The following NUDT3 variants were observed in gnomAD, a reference collection of about 807,000 sequenced individuals.
NUDT3 encodes diphosphoinositol polyphosphate phosphohydrolase 1.
NUDT3 carries 9 observed loss-of-function variants against 23.6 expected under a neutral mutation model. The observed-to-expected ratio is 0.38, with a 90% CI of 0.23 to 0.66. NUDT3 has a LOEUF of 0.66. Ranked by LOEUF, NUDT3 falls within the 30% of genes least tolerant of loss-of-function variation. The pLI is 0.52. For missense variants in NUDT3, 172 were observed against 218.5 expected, an observed-to-expected ratio of 0.79 and a Z score of 1.34; for synonymous variants, 86 against 82.6, an observed-to-expected ratio of 1.04 and a Z score of -0.22.
At chr6:34,361,956 C>A (rs141602363) in intron 1 of NUDT3, among the ~76,000 whole-genome samples, 161 of 152,258 alleles carry the variant, frequency 1.1e-3, no homozygotes, top group African/African-American at 3.7e-3. Flanking sequence ...AGGAAGTACA[C>A]CAGCAAGAGA....
rs527607594 is a variant in NUDT3 at position 34,345,751 on chromosome 6, G to T, written c.100-3779C>A. 1.4e-3 allele frequency among the ~76,000 whole-genome samples: 213 copies of T among 151,650 alleles called. No individual in the cohort carries two copies. The Middle Eastern group carries it at 0.024, about 17-fold the overall frequency. On this transcript the variant is annotated intron_variant, in intron 1 of 4. Coordinates refer to ENST00000607016, the MANE Select transcript of NUDT3 (RefSeq NM_006703.4). ...CCTCAATGGAGTAACCTTCCAGAAGGTTATCCTTACTTTTGTTTTGTTTTG... is the reference window on the plus strand; with the variant it reads ...CCTCAATGGAGTAACCTTCCAGAAGTTTATCCTTACTTTTGTTTTGTTTTG...
intron 1 of NUDT3, among the ~76,000 whole-genome samples, chr6:34,390,539 T>C (rs747073061): frequency 4.6e-4 from 69 of 151,362 alleles, no homozygotes; most frequent in Non-Finnish European, 9.4e-4. Context: ...ATTATTATTA[T>C]TTTTTTTTAT....
intron 2 of NUDT3, among the ~76,000 whole-genome samples, chr6:34,336,216 C>G (rs1333643669): frequency 6.6e-6 from 1 of 152,082 alleles, no homozygotes; most frequent in East Asian, 1.9e-4. Context: ...TTGCAGTGAG[C>G]ACTCCAGCCT....
intron 2 of NUDT3, among the ~76,000 whole-genome samples, chr6:34,339,317 G>A (rs1764255456): frequency 6.6e-6 from 1 of 152,160 alleles, no homozygotes; most frequent in Non-Finnish European, 1.5e-5. Flanking sequence ...CTCCATGTCA[G>A]AAGAGTATTG....
chr6:34,357,794 G>A (rs1764585782), intron 1 of NUDT3, among the ~76,000 whole-genome samples: 1 of 152,090 alleles, frequency 6.6e-6, no homozygotes, highest in Non-Finnish European at 1.5e-5. Context: ...CCATAAGCAA[G>A]GTATAGCTTT....
intron 1 of NUDT3, among the ~76,000 whole-genome samples, chr6:34,361,752 A>C (rs1764653409): frequency 6.6e-6 from 1 of 152,250 alleles, no homozygotes; most frequent in Non-Finnish European, 1.5e-5. Context: ...TAAATCAAAG[A>C]AGCCAACATG....
chr6:34,295,517 T>G, intron 3 of NUDT3, 124 bp downstream of exon 3: 10 of 1,161,908 alleles, frequency 8.6e-6, no homozygotes, highest in Non-Finnish European at 1.2e-5. Flanking sequence ...AGACCTTGTC[T>G]CAAAAAGTTA....
chr6:34,308,136 A>G (rs1191246810), intron 2 of NUDT3, among the ~76,000 whole-genome samples: 7 of 63,432 alleles, frequency 1.1e-4, no homozygotes, highest in East Asian at 8.4e-4. Flanking sequence ...AAAAAAAAAA[A>G]AAAAAAAAAA....
At chr6:34,367,813 A>T (rs1764761180) in intron 1 of NUDT3, among the ~76,000 whole-genome samples, 1 of 152,210 alleles carries the variant, frequency 6.6e-6, no homozygotes, top group South Asian at 2.1e-4. Context: ...AGAAGGAAGA[A>T]AAGATGGAGA....
At chr6:34,375,906 C>A (rs187063534) in intron 1 of NUDT3, among the ~76,000 whole-genome samples, 150 of 152,206 alleles carry the variant, frequency 9.9e-4, no homozygotes, top group African/African-American at 3.5e-3. Context: ...TGTTCTTCCA[C>A]CTCCGCTTTT....
In NUDT3 at chr6:34,346,090, T is replaced by C. The variant is rs145872958; in HGVS notation, c.100-4118A>G. On this transcript the variant is annotated intron_variant, in intron 1 of 4. Transcript: ENST00000607016. ...GGCCAAGTTTTATATTACTAAATCA[T>C]AAAACTACTGCCACACTCATTCTCT... is the stretch of plus-strand genomic sequence containing the variant. Among the ~76,000 whole-genome samples, 459 of 152,196 alleles carry C rather than the reference T, an allele frequency of 3.0e-3. 2 individuals are homozygous for C. The highest frequency in any genetic ancestry group is 6.8e-3 in the Middle Eastern group (2 of 294).
At chr6:34,384,261 CT>C (rs1765069027) in intron 1 of NUDT3, among the ~76,000 whole-genome samples, 1 of 152,222 alleles carries the variant, frequency 6.6e-6, no homozygotes. Context: ...AGCAGCTCCC[CT>C]TTGCCAAGAG....
chr6:34,381,507 T>G (rs1167018799), intron 1 of NUDT3, among the ~76,000 whole-genome samples: 1 of 151,874 alleles, frequency 6.6e-6, no homozygotes, highest in Non-Finnish European at 1.5e-5. Context: ...GCTAAAATAA[T>G]TGAACCTACA....
At chr6:34,301,628 C>G (rs1467533646) in intron 2 of NUDT3, among the ~76,000 whole-genome samples, 1 of 152,264 alleles carries the variant, frequency 6.6e-6, no homozygotes, top group African/African-American at 2.4e-5. Context: ...CCAAGATCAG[C>G]AGAGTTGCCT....
chr6:34,305,144 G>A (rs960415969), intron 2 of NUDT3, among the ~76,000 whole-genome samples: 3 of 151,560 alleles, frequency 2.0e-5, no homozygotes, highest in African/African-American at 7.3e-5. Context: ...CACCATGCCT[G>A]GCTAATTTTT....
chr6:34,290,190 A>T (rs534341467), intron 4 of NUDT3, among the ~76,000 whole-genome samples: 1 of 151,318 alleles, frequency 6.6e-6, no homozygotes, highest in South Asian at 2.1e-4. Flanking sequence ...TTGCTTTTTA[A>T]TTTTTGTTAC....
chr6:34,297,765 T>A lies in NUDT3; in HGVS notation c.211-2080A>T, dbSNP rs1225628374. Among the ~76,000 whole-genome samples the A allele has an allele frequency of 3.0e-3, 349 of 118,250 alleles. 8 individuals are homozygous for A. The highest frequency in any genetic ancestry group is 7.5e-3 in the African/African-American group (218 of 29,198). 77.6% of individuals were successfully genotyped at this position (118,250 alleles called of 152,430 possible). On this transcript the variant is annotated intron_variant, in intron 2 of 4. Transcript: ENST00000607016. ...TATATATATATATATATATAATTTT[T>A]TTTTTTTTTTTAGTAGAGACGGGGT...
intron 1 of NUDT3, among the ~76,000 whole-genome samples, chr6:34,349,150 G>A (rs1264558874): frequency 6.6e-6 from 1 of 152,112 alleles, no homozygotes; most frequent in Admixed American, 6.6e-5. Context: ...ATCCTCCTGA[G>A]TTGGCCTCTA....
chr6:34,367,414 G>A (rs189793431), intron 1 of NUDT3, among the ~76,000 whole-genome samples: 2 of 151,588 alleles, frequency 1.3e-5, no homozygotes, highest in Admixed American at 6.6e-5. Context: ...CCTGGGAGGC[G>A]GAGGTTGCAG....
Sources: gnomAD v4.1 joint callset for allele counts (sites outside exome capture counted in the v4.1 genomes callset) on GRCh38, gnomAD v4.1.1 for gene constraint, MANE v1.5 for transcripts, NCBI Gene and HGNC (gene_info 2026-07-23, HGNC 2026-07-21) for gene names.